CDON: variants seen among roughly 807,000 people sequenced by gnomAD.
CDON encodes cell adhesion associated, oncogene regulated, also known as cell adhesion molecule-related/down-regulated by oncogenes.
Under a neutral mutation model 120.9 loss-of-function variants are expected in CDON, and 73 were observed. The ratio of observed to expected loss-of-function variants is 0.60; its 90% CI spans 0.50 to 0.73. CDON has a LOEUF of 0.73. CDON is among the 30% of genes least tolerant of loss of function. The pLI, the probability that CDON is intolerant of heterozygous loss-of-function variation, is 0.00. For missense variants in CDON, 1,470 were observed against 1,587.3 expected (o/e 0.93, Z 1.26); for synonymous variants, 566 against 573.5 (o/e 0.99, Z 0.19).
In CDON at chr11:125,958,013, G is replaced by A. The variant is rs757284885; in HGVS notation, c.*2929C>T. ...ACAGTAAAGATCAAATTTCCAGGTG[G>A]AGGTGGTAGACAGGGGGCGTCAAGG... On this transcript the variant is annotated 3_prime_UTR_variant, in exon 20 of 20. Coordinates refer to ENST00000531738, the MANE Select transcript of CDON (RefSeq NM_001378964.1). 1 of 152,246 alleles carries A rather than the reference G, an allele frequency of 6.6e-6. No individual in the cohort carries two copies. The highest frequency in any genetic ancestry group is 1.5e-5 in the Non-Finnish European group (1 of 68,076). 9.4% of individuals were successfully genotyped at this position (152,246 alleles called of 1,614,324 possible). A position where few individuals can be genotyped will look rare whatever the true frequency, so the allele number is the denominator to read the frequency against.
chr11:126,040,957 G>A (rs1255619462), intron 1 of CDON, among the ~76,000 whole-genome samples: 4 of 151,396 alleles, frequency 2.6e-5, no homozygotes, highest in Non-Finnish European at 5.9e-5. Flanking sequence ...TTAGGAGGCC[G>A]AGGCGGGCGG....
At chr11:126,062,978 G>GA (rs897404792), upstream of CDON, among the ~76,000 whole-genome samples, 1 of 151,902 alleles carries the variant, frequency 6.6e-6, no homozygotes, top group Admixed American at 6.5e-5. Context: ...AGGGACCGGG[G>GA]AATGACTGAC....
At chr11:126,017,718 T>C (rs891641228) in intron 5 of CDON, among the ~76,000 whole-genome samples, 6 of 151,938 alleles carry the variant, frequency 3.9e-5, no homozygotes, top group Non-Finnish European at 8.8e-5. Context: ...TTTTTTTTTT[T>C]TTCAAAATTC....
At chr11:126,028,787 T>G (rs1947870257) in intron 1 of CDON, among the ~76,000 whole-genome samples, 1 of 151,816 alleles carries the variant, frequency 6.6e-6, no homozygotes, top group African/African-American at 2.4e-5. Flanking sequence ...CTCTTTTGGA[T>G]AGTTAGGCTA....
intron 1 of CDON, among the ~76,000 whole-genome samples, chr11:126,032,011 T>C (rs1015175709): frequency 6.6e-6 from 1 of 152,236 alleles, no homozygotes; most frequent in East Asian, 1.9e-4. Context: ...TGTTTTTCTA[T>C]CTGTGAAATC....
At chr11:126,033,182 AT>A (rs1947992344) in intron 1 of CDON, among the ~76,000 whole-genome samples, 1 of 152,146 alleles carries the variant, frequency 6.6e-6, no homozygotes, top group Non-Finnish European at 1.5e-5. Flanking sequence ...GAGTGAGTGG[AT>A]GATGTGCATT....
intron 1 of CDON, among the ~76,000 whole-genome samples, chr11:126,051,652 CT>C (rs66575795): frequency 1.2e-3 from 174 of 139,950 alleles, no homozygotes; most frequent in African/African-American, 1.5e-3. Context: ...TATTTTTTTT[CT>C]TTTTTTTTTT....
Position 126,023,379 on chromosome 11 carries a change from C to T in CDON, c.76+22G>A, listed in dbSNP as rs79269753. On this transcript the variant is annotated intron_variant, in intron 2 of 19. Coordinates refer to ENST00000531738, the MANE Select transcript of CDON (RefSeq NM_001378964.1). Reference sequence around the variant, plus strand: ...TAAGATGAGTAAAGGCCAAACCACCCCCTCCCCAATTCTACTCTTACCTGA... The same window carrying T: ...TAAGATGAGTAAAGGCCAAACCACCTCCTCCCCAATTCTACTCTTACCTGA... 165 of 1,507,836 alleles carry T rather than the reference C, an allele frequency of 1.1e-4. 1 individual carries two copies. In the African/African-American group the frequency reaches 2.0e-3, roughly 18 times the overall value. The allele number at this position is 1,507,836 out of a possible 1,614,324, so 93.4% of individuals were successfully genotyped here.
chr11:126,010,626 T>A lies in CDON; in HGVS notation c.1267A>T (p.Thr423Ser). Residue 423 changes from threonine to serine, a missense_variant, in exon 8 of 20, where the codon ACT (threonine) becomes TCT (serine). Coordinates refer to ENST00000531738, the MANE Select transcript of CDON (RefSeq NM_001378964.1). The stretch of plus-strand genomic sequence containing the variant: ...AGCCCACTGGCATTGCAGGACAGAG[T>A]AACAAAGTCTCCGTCTGCAACCTTT... Reference protein sequence around the residue: ...SAKVADGDFVTLSCNASGLPV... With the variant: ...SAKVADGDFVSLSCNASGLPV... 1 of 1,614,130 alleles carries A rather than the reference T, an allele frequency of 6.2e-7. No individual in the cohort carries two copies. The highest frequency in any genetic ancestry group is 8.5e-7 in the Non-Finnish European group (1 of 1,180,004).
chr11:126,006,119 G>C (rs1180878204), intron 8 of CDON, 62 bp from the exon 9 acceptor site: 1 of 1,505,370 alleles, frequency 6.6e-7, no homozygotes, highest in Non-Finnish European at 9.2e-7. Context: ...CTTCTACCCA[G>C]TTTGTGACGT....
chr11:125,983,908 A>G lies in CDON; in HGVS notation c.2959T>C (p.Cys987Arg). The change falls in exon 16 of 20, where the codon TGC becomes CGC. Residue 987 changes from cysteine to arginine, a missense_variant. Coordinates refer to ENST00000531738, the MANE Select transcript of CDON (RefSeq NM_001378964.1). ...TTCTGCTGGCGATTCTTCCACAGGC[A>G]CATTGCAATGAAAACCATCAGAATG... ...VLILMVFIAM[C>R]LWKNRQQNTI... 6.2e-7 allele frequency: 1 copy of G among 1,613,986 alleles called. No individual in the cohort carries two copies. Among genetic ancestry groups the G allele is most frequent in the South Asian group, 1.1e-5 (1 of 91,058 alleles).
intron 1 of CDON, among the ~76,000 whole-genome samples, chr11:126,032,098 C>CTTTACACTAAA (rs1170692792): frequency 6.6e-6 from 1 of 151,952 alleles, no homozygotes; most frequent in East Asian, 1.9e-4. Context: ...CACTAAAAGG[C>CTTTACACTAAA]AGAATTTTTA....
At chr11:126,019,900 T>C in intron 3 of CDON, 135 bp from the exon 4 acceptor site, 1 of 752,876 alleles carries the variant, frequency 1.3e-6, no homozygotes, top group Non-Finnish European at 2.2e-6. Flanking sequence ...GAGGGCTGCA[T>C]GATCTTTTCA....
intron 1 of CDON, among the ~76,000 whole-genome samples, chr11:126,056,361 GAAGAA>G (rs1948680347): frequency 6.6e-6 from 1 of 152,186 alleles, no homozygotes; most frequent in African/African-American, 2.4e-5. Flanking sequence ...TCTGATTTAG[GAAGAA>G]AAGGGGACAA....
Position 125,981,066 on chromosome 11 carries a change from G to C in CDON, c.3259C>G (p.Pro1087Ala), listed in dbSNP as rs753268933. 1 of 1,614,138 alleles carries C rather than the reference G, an allele frequency of 6.2e-7. No homozygotes were observed. The highest frequency in any genetic ancestry group is 8.5e-7 in the Non-Finnish European group (1 of 1,180,014). Residue 1087 changes from proline (P) to alanine (A), a missense_variant, in exon 17 of 20, where the codon CCT becomes GCT. Transcript: ENST00000531738. ...TCTCTTACATTCACTAGATGATGAG[G>C]ATGTTCAAAATCCACGTGTGTCCTG... ...LTRTHVDFEH[P>A]HHLVNGGGMY...
At chr11:126,030,526 T>C (rs540091257) in intron 1 of CDON, among the ~76,000 whole-genome samples, 1 of 152,334 alleles carries the variant, frequency 6.6e-6, no homozygotes, top group East Asian at 1.9e-4. Flanking sequence ...AAATAGGAAA[T>C]TATTTAAGTT....
chr11:125,992,548 C>A (rs1003443228), intron 14 of CDON, among the ~76,000 whole-genome samples: 3 of 152,114 alleles, frequency 2.0e-5, no homozygotes, highest in African/African-American at 7.2e-5. Context: ...CAGCTACTAT[C>A]GTGAGTCCTA....
intron 15 of CDON, among the ~76,000 whole-genome samples, chr11:125,989,366 T>A (rs1565508024): frequency 6.6e-6 from 1 of 152,134 alleles, no homozygotes; most frequent in African/African-American, 2.4e-5. Context: ...TGAAACCCCA[T>A]CTCTACTAAA....
rs565747520 is a variant in CDON, at chr11:125,996,502, C to T, written c.2362+705G>A. On this transcript the variant is annotated intron_variant, in intron 12 of 19. Transcript: ENST00000531738. ...TCACCTGAGGTCAGGAGTTTGAGAC[C>T]AGCCTGACTAGCATGGTGAAACCCC... Among the ~76,000 whole-genome samples, 11 of 151,206 alleles carry T rather than the reference C, an allele frequency of 7.3e-5. No individual in the cohort carries two copies. In the East Asian group the frequency reaches 1.2e-3, roughly 16 times the overall value.
Sources: allele counts gnomAD v4.1 joint callset (sites outside exome capture counted in the v4.1 genomes callset), GRCh38; gene constraint gnomAD v4.1.1; transcripts MANE v1.5; gene names NCBI Gene and HGNC (gene_info 2026-07-23, HGNC 2026-07-21).